SYNPO2: variants seen among roughly 807,000 people sequenced by gnomAD.
SYNPO2 encodes the protein synaptopodin 2.
SYNPO2 carries 56 observed loss-of-function variants against 85.0 expected under a neutral mutation model. The ratio of observed to expected loss-of-function variants is 0.66; its 90% CI spans 0.53 to 0.82. SYNPO2 has a LOEUF of 0.82. Among genes scored for constraint, SYNPO2 ranks in the 40% least tolerant of loss-of-function variants. SYNPO2 has a pLI of 0.00. For missense variants in SYNPO2, 1,575 were observed against 1,534.2 expected (o/e 1.03, Z -0.44); for synonymous variants, 602 against 591.1 (o/e 1.02, Z -0.27).
rs574328194 is a variant in SYNPO2, at chr4:119,027,483, C to A, written c.1069+45C>A. 14 of 1,463,700 alleles carry A rather than the reference C, an allele frequency of 9.6e-6. No individual in the cohort carries two copies. The East Asian group carries it at 3.3e-4, about 35-fold the overall frequency. The allele number at this position is 1,463,700 out of a possible 1,614,324, so 90.7% of individuals were successfully genotyped here. The stretch of plus-strand genomic sequence containing the variant: ...TCAGAAGGGGCTTGGGAGTTGGGGG[C>A]ATTTTGCTGCTTCTTTGCTTGCATG... On this transcript the variant is annotated intron_variant, in intron 3 of 4. Transcript: ENST00000307142.
chr4:118,956,223 TA>T (rs1402265780), intron 1 of SYNPO2, among the ~76,000 whole-genome samples: 2 of 152,160 alleles, frequency 1.3e-5, no homozygotes, highest in East Asian at 3.9e-4. Flanking sequence ...GGGGCTAACA[TA>T]ACCTTAGGTA....
At chr4:119,033,450 A>G (rs906798217) in intron 4 of SYNPO2, 4 of 985,308 alleles carry the variant, frequency 4.1e-6, no homozygotes, top group African/African-American at 3.5e-5. Flanking sequence ...AAACCTGAAG[A>G]CCTTTCTCAG....
intron 1 of SYNPO2, among the ~76,000 whole-genome samples, chr4:118,914,952 T>C (rs1212620953): frequency 2.6e-5 from 4 of 151,650 alleles, no homozygotes; most frequent in African/African-American, 9.7e-5. Flanking sequence ...ATATACTTCA[T>C]TTTGATATTT....
At chr4:118,982,616 G>T (rs909749468) in intron 1 of SYNPO2, among the ~76,000 whole-genome samples, 1 of 152,200 alleles carries the variant, frequency 6.6e-6, no homozygotes, top group African/African-American at 2.4e-5. Context: ...TCCTGCCCCA[G>T]TAAATTACTT....
At chr4:118,955,361 A>C (rs1734839302) in intron 1 of SYNPO2, among the ~76,000 whole-genome samples, 1 of 152,186 alleles carries the variant, frequency 6.6e-6, no homozygotes, top group Non-Finnish European at 1.5e-5. Context: ...ATAATGGGAA[A>C]TCTAAATAGA....
At chr4:118,955,671 A>G (rs1734849628) in intron 1 of SYNPO2, among the ~76,000 whole-genome samples, 1 of 152,212 alleles carries the variant, frequency 6.6e-6, no homozygotes, top group Non-Finnish European at 1.5e-5. Context: ...TGCCCAGAGC[A>G]ACAGTCTCAA....
chr4:118,993,180 TAAAG>T (rs1444816323), intron 1 of SYNPO2, among the ~76,000 whole-genome samples: 1 of 136,814 alleles, frequency 7.3e-6, no homozygotes, highest in Non-Finnish European at 1.6e-5. Flanking sequence ...CGGAATTAAT[TAAAG>T]AAGGAAGAGA....
At chr4:119,040,288 CA>C (rs1359939939) in intron 4 of SYNPO2, among the ~76,000 whole-genome samples, 1 of 152,186 alleles carries the variant, frequency 6.6e-6, no homozygotes, top group East Asian at 1.9e-4. Flanking sequence ...TTGAGACCCA[CA>C]ACTAAAATAG....
intron 1 of SYNPO2, among the ~76,000 whole-genome samples, chr4:119,020,132 T>C (rs944480839): frequency 1.4e-4 from 22 of 151,880 alleles, no homozygotes; most frequent in Non-Finnish European, 3.2e-4. Flanking sequence ...TGTCATACCA[T>C]GTTTTTTTGG....
At chr4:119,035,327 A>G (rs1259571957) in intron 4 of SYNPO2, 5 of 985,432 alleles carry the variant, frequency 5.1e-6, no homozygotes, top group Non-Finnish European at 6.0e-6. Context: ...AGTACAGCAT[A>G]TTCCCCTCAG....
At chr4:118,883,465 T>G (rs1217910041) in intron 1 of SYNPO2, among the ~76,000 whole-genome samples, 1 of 152,212 alleles carries the variant, frequency 6.6e-6, no homozygotes. Flanking sequence ...TTTCATAATG[T>G]GCTCTCTCAG....
At chr4:118,940,160 A>G (rs1040641709) in intron 1 of SYNPO2, among the ~76,000 whole-genome samples, 4 of 151,528 alleles carry the variant, frequency 2.6e-5, no homozygotes, top group African/African-American at 9.7e-5. Flanking sequence ...TAATTTTTGT[A>G]TTTTTAGTAG....
chr4:118,881,644 A>C (rs1732104238), intron 1 of SYNPO2, among the ~76,000 whole-genome samples: 1 of 152,198 alleles, frequency 6.6e-6, no homozygotes, highest in Non-Finnish European at 1.5e-5. Context: ...TCTGTGGCAG[A>C]ACTTTAAATC....
At chr4:118,914,464 TAGAA>T (rs940108352) in intron 1 of SYNPO2, among the ~76,000 whole-genome samples, 3 of 152,138 alleles carry the variant, frequency 2.0e-5, no homozygotes, top group African/African-American at 2.4e-5. Flanking sequence ...ATTAGAAAGA[TAGAA>T]AGAGGATAAG....
At chr4:118,930,039 T>C (rs1733871769) in intron 1 of SYNPO2, among the ~76,000 whole-genome samples, 2 of 152,280 alleles carry the variant, frequency 1.3e-5, no homozygotes, top group Admixed American at 6.5e-5. Flanking sequence ...CTCTAAGAAT[T>C]TGCAGATAAT....
chr4:119,037,890 C>T (rs979151279), intron 4 of SYNPO2: 2 of 180,686 alleles, frequency 1.1e-5, no homozygotes, highest in Non-Finnish European at 2.1e-5. Flanking sequence ...AAAGATCATA[C>T]GATGTTAAGT....
chr4:118,891,664 A>G (rs1384445359), intron 1 of SYNPO2, among the ~76,000 whole-genome samples: 1 of 152,220 alleles, frequency 6.6e-6, no homozygotes, highest in Non-Finnish European at 1.5e-5. Flanking sequence ...TGTTCAAGGC[A>G]AAGTGAATGT....
At chr4:118,893,127 A>G (rs1732431033) in intron 1 of SYNPO2, among the ~76,000 whole-genome samples, 1 of 152,180 alleles carries the variant, frequency 6.6e-6, no homozygotes, top group African/African-American at 2.4e-5. Context: ...AATATGCTTA[A>G]TCACTTAATC....
intron 4 of SYNPO2, among the ~76,000 whole-genome samples, chr4:119,039,272 G>A (rs570275580): frequency 3.9e-5 from 6 of 152,114 alleles, no homozygotes; most frequent in Middle Eastern, 3.4e-3. Context: ...GCTAAGCCTC[G>A]GGACCCAACA....
Sources: allele counts gnomAD v4.1 joint callset (sites outside exome capture counted in the v4.1 genomes callset), GRCh38; gene constraint gnomAD v4.1.1; transcripts MANE v1.5; gene names NCBI Gene and HGNC (gene_info 2026-07-23, HGNC 2026-07-21).